The following OXR1 variants were observed in gnomAD, a reference collection of about 807,000 sequenced individuals.
OXR1 encodes oxidation resistance protein 1.
OXR1 carries 41 observed loss-of-function variants against 104.6 expected under a neutral mutation model. The ratio of observed to expected loss-of-function variants is 0.39; its 90% CI spans 0.31 to 0.51. The LOEUF is 0.51. OXR1 is among the 20% of genes least tolerant of loss of function. The pLI is 0.77. For missense variants in OXR1, 955 were observed against 1,031.9 expected (o/e 0.93, Z 1.02); for synonymous variants, 348 against 348.4 (o/e 1.00, Z 0.01).
intron 3 of OXR1, among the ~76,000 whole-genome samples, chr8:106,526,118 A>T (rs1003749712): frequency 2.0e-5 from 3 of 152,216 alleles, no homozygotes; most frequent in Non-Finnish European, 4.4e-5. Flanking sequence ...AAAGAAGAAT[A>T]AAATAGATTA....
intron 2 of OXR1, among the ~76,000 whole-genome samples, chr8:106,408,736 C>G (rs1295000533): frequency 2.0e-5 from 3 of 152,118 alleles, no homozygotes; most frequent in Non-Finnish European, 4.4e-5. Context: ...CCTGCAGATC[C>G]TGGCCGACAG....
At chr8:106,616,030 CTTTTTTTTTTTT>C (rs10718309) in intron 3 of OXR1, among the ~76,000 whole-genome samples, 6 of 73,332 alleles carry the variant, frequency 8.2e-5, no homozygotes, top group African/African-American at 1.6e-4. Flanking sequence ...GAAACACCTT[CTTTTTTTTTTTT>C]TTTTTTTTTT....
rs370244572 is a variant in OXR1 at position 106,565,011 on chromosome 8, C to T, written c.220+45872C>T. On this transcript the variant is annotated intron_variant, in intron 3 of 16. Coordinates refer to ENST00000517566, the MANE Select transcript of OXR1 (RefSeq NM_001198533.2). ...TAATAAGAGCTATTTATGACAAGCC[C>T]GCAGCCAATATCATACTGAATGGGC... Among the ~76,000 whole-genome samples the T allele has an allele frequency of 3.3e-5, 5 of 152,212 alleles. No homozygotes were observed. In the East Asian group the frequency reaches 5.8e-4, roughly 18 times the overall value.
intron 3 of OXR1, among the ~76,000 whole-genome samples, chr8:106,636,655 A>T (rs1248747706): frequency 6.6e-6 from 1 of 152,144 alleles, no homozygotes; most frequent in Non-Finnish European, 1.5e-5. Flanking sequence ...ATATGGTTCT[A>T]TGTTTTGGTC....
intron 3 of OXR1, among the ~76,000 whole-genome samples, chr8:106,631,964 T>C (rs904942179): frequency 2.0e-5 from 3 of 152,176 alleles, no homozygotes; most frequent in African/African-American, 7.2e-5. Flanking sequence ...AATACTTAGT[T>C]TGGAAACTGA....
intron 2 of OXR1, among the ~76,000 whole-genome samples, chr8:106,518,163 A>C (rs925194621): frequency 2.0e-5 from 3 of 152,240 alleles, no homozygotes; most frequent in Non-Finnish European, 4.4e-5. Context: ...CAGAAAATAA[A>C]GAAAATTGCC....
chr8:106,658,543 C>T (rs545089702), intron 3 of OXR1, among the ~76,000 whole-genome samples: 2 of 152,198 alleles, frequency 1.3e-5, no homozygotes, highest in Admixed American at 6.5e-5. Context: ...TGTTTTCAGT[C>T]TTGGATTCTT....
intron 2 of OXR1, among the ~76,000 whole-genome samples, chr8:106,433,876 T>C (rs553574897): frequency 1.3e-5 from 2 of 152,224 alleles, no homozygotes; most frequent in Non-Finnish European, 2.9e-5. Flanking sequence ...AGTTACCTTC[T>C]TTGTTTTTTC....
At chr8:106,745,442 A>G (rs1324497059) in intron 15 of OXR1, among the ~76,000 whole-genome samples, 1 of 152,130 alleles carries the variant, frequency 6.6e-6, no homozygotes, top group African/African-American at 2.4e-5. Context: ...AGTTAATGGC[A>G]TTTGTGTCCG....
chr8:106,683,926 T>G (rs138631020), intron 5 of OXR1, among the ~76,000 whole-genome samples: 2 of 152,320 alleles, frequency 1.3e-5, no homozygotes, highest in East Asian at 3.9e-4. Context: ...GGGTGAATTC[T>G]TAGAAGTAAA....
intron 2 of OXR1, among the ~76,000 whole-genome samples, chr8:106,403,325 C>G (rs1249758190): frequency 6.6e-6 from 1 of 152,240 alleles, no homozygotes; most frequent in African/African-American, 2.4e-5. Flanking sequence ...TTCTGTCCAT[C>G]AGGGAAACCC....
chr8:106,561,151 T>TCAAG (rs1816649906), intron 3 of OXR1, among the ~76,000 whole-genome samples: 1 of 151,488 alleles, frequency 6.6e-6, no homozygotes, highest in Non-Finnish European at 1.5e-5. Flanking sequence ...CTAGAACACC[T>TCAAG]CAAGCAAGGG....
chr8:106,522,877 C>G (rs904440540), intron 3 of OXR1: 1 of 152,132 alleles, frequency 6.6e-6, no homozygotes, highest in Non-Finnish European at 1.5e-5. Context: ...AAAATAACAC[C>G]GATTTATGAA....
intron 2 of OXR1, among the ~76,000 whole-genome samples, chr8:106,481,500 C>G (rs982258867): frequency 6.6e-6 from 1 of 151,968 alleles, no homozygotes; most frequent in Non-Finnish European, 1.5e-5. Context: ...GTAAGAACAT[C>G]TGACTGGCTG....
intron 2 of OXR1, among the ~76,000 whole-genome samples, chr8:106,392,603 GTGA>G (rs1457092880): frequency 1.3e-5 from 2 of 152,162 alleles, no homozygotes; most frequent in Non-Finnish European, 2.9e-5. Flanking sequence ...ATGATATGCA[GTGA>G]TGATATTATT....
chr8:106,486,375 T>C (rs1239536567), intron 2 of OXR1, among the ~76,000 whole-genome samples: 2 of 152,116 alleles, frequency 1.3e-5, no homozygotes, highest in Non-Finnish European at 2.9e-5. Flanking sequence ...TTCTAGCAAA[T>C]TGTGCATGTG....
intron 8 of OXR1, among the ~76,000 whole-genome samples, chr8:106,704,078 A>G (rs780460564): frequency 1.3e-5 from 2 of 152,116 alleles, no homozygotes; most frequent in Non-Finnish European, 2.9e-5. Context: ...TTTGCTCAAA[A>G]GTCTCCACTG....
intron 3 of OXR1, among the ~76,000 whole-genome samples, chr8:106,536,036 C>T (rs1283043831): frequency 4.0e-5 from 6 of 151,896 alleles, no homozygotes; most frequent in Admixed American, 1.3e-4. Context: ...CTGGCTAACA[C>T]GATGAAACCC....
At chr8:106,277,301 C>T (rs954444801) in intron 1 of OXR1, among the ~76,000 whole-genome samples, 2 of 152,144 alleles carry the variant, frequency 1.3e-5, no homozygotes, top group Admixed American at 6.5e-5. Flanking sequence ...GGGCAAATTA[C>T]TTTCTACCTT....
Sources: gnomAD v4.1 joint callset for allele counts (sites outside exome capture counted in the v4.1 genomes callset) on GRCh38, gnomAD v4.1.1 for gene constraint, MANE v1.5 for transcripts, NCBI Gene and HGNC (gene_info 2026-07-23, HGNC 2026-07-21) for gene names.